The following PPFIA1 variants were observed in gnomAD, a reference collection of about 807,000 sequenced individuals.
The protein encoded by PPFIA1 is PPFI scaffold protein A1.
PPFIA1 carries 25 observed loss-of-function variants against 149.9 expected under a neutral mutation model. The ratio of observed to expected loss-of-function variants is 0.17; its 90% confidence interval spans 0.12 to 0.23. The LOEUF is 0.23. PPFIA1 is among the 10% of genes least tolerant of loss of function. The pLI, the probability that PPFIA1 is intolerant of heterozygous loss-of-function variation, is 1.00. For synonymous variants in PPFIA1, 549 were observed against 552.8 expected, an observed-to-expected ratio of 0.99 and a Z score of 0.10; for missense variants, 1,362 against 1,506.5, an observed-to-expected ratio of 0.90 and a Z score of 1.59.
chr11:70,325,461 T>C (rs1836587792), intron 4 of PPFIA1, 39 bp from the exon 5 acceptor site: 1 of 1,344,276 alleles, frequency 7.4e-7, no homozygotes, highest in Non-Finnish European at 1.1e-6. Context: ...ATAAACAGTA[T>C]ACACACACAC....
At chr11:70,305,410 C>G (rs1306519194) in intron 2 of PPFIA1, among the ~76,000 whole-genome samples, 1 of 152,132 alleles carries the variant, frequency 6.6e-6, no homozygotes, top group African/African-American at 2.4e-5. Context: ...AGGTCTCACT[C>G]TGGCCAAGCT....
intron 2 of PPFIA1, among the ~76,000 whole-genome samples, chr11:70,272,922 G>A (rs144097860): frequency 6.6e-5 from 10 of 152,300 alleles, no homozygotes; most frequent in Middle Eastern, 3.4e-3. Flanking sequence ...AGTCACATTT[G>A]TTTTAGGGGA....
intron 2 of PPFIA1, among the ~76,000 whole-genome samples, chr11:70,304,824 G>A (rs1030355455): frequency 2.0e-5 from 3 of 152,210 alleles, no homozygotes; most frequent in Non-Finnish European, 2.9e-5. Flanking sequence ...GTGGTGGTGT[G>A]TGTGGAAGTA....
rs1413440442 is a variant in PPFIA1 at position 70,324,890 on chromosome 11, G to A, written c.410G>A (p.Arg137Gln). The A allele has an allele frequency of 6.2e-7, 1 of 1,611,134 alleles. No individual in the cohort carries two copies. Among genetic ancestry groups the A allele is most frequent in the East Asian group, 2.2e-5 (1 of 44,844 alleles). ...HLECLVSRHERSLRMTVVKRQ... is the reference protein window; with the variant it reads ...HLECLVSRHEQSLRMTVVKRQ... ...GAATGCCTTGTCTCCAGGCATGAGCGGTCTCTTAGGATGACCGTGGTGAAG... is the reference window on the plus strand; with the variant it reads ...GAATGCCTTGTCTCCAGGCATGAGCAGTCTCTTAGGATGACCGTGGTGAAG... Residue 137 changes from arginine (R) to glutamine (Q), a missense_variant, in exon 4 of 28, where the codon CGG becomes CAG. Coordinates refer to ENST00000253925, the MANE Select transcript of PPFIA1 (RefSeq NM_003626.5).
At chr11:70,320,524 A>G (rs2053875480) in intron 2 of PPFIA1, among the ~76,000 whole-genome samples, 1 of 149,510 alleles carries the variant, frequency 6.7e-6, no homozygotes, top group South Asian at 2.1e-4. Context: ...GGGCTCAAGC[A>G]GTCCTCCTGT....
intron 10 of PPFIA1, among the ~76,000 whole-genome samples, chr11:70,334,791 C>G (rs780162562): frequency 6.6e-6 from 1 of 152,118 alleles, no homozygotes; most frequent in African/African-American, 2.4e-5. Context: ...CTCGGGTGCA[C>G]GTCGTAACCC....
At chr11:70,309,665 G>A (rs1333134419) in intron 2 of PPFIA1, among the ~76,000 whole-genome samples, 2 of 151,790 alleles carry the variant, frequency 1.3e-5, no homozygotes, top group African/African-American at 4.8e-5. Flanking sequence ...AAAATAAAAA[G>A]GAATAAAAAG....
chr11:70,286,961 A>G (rs2051183769), intron 2 of PPFIA1, among the ~76,000 whole-genome samples: 1 of 146,274 alleles, frequency 6.8e-6, no homozygotes, highest in Non-Finnish European at 1.5e-5. Context: ...TACTATATAT[A>G]TACATATACA....
intron 2 of PPFIA1, among the ~76,000 whole-genome samples, chr11:70,293,942 C>CT (rs35307008): frequency 0.41 from 52,099 of 128,076 alleles, 11,812 homozygotes; most frequent in African/African-American, 0.6. Flanking sequence ...CTCTCTCTCT[C>CT]TTTTTTTTTT....
At chr11:70,354,743 T>C (rs1218223622) in intron 17 of PPFIA1, among the ~76,000 whole-genome samples, 1 of 151,912 alleles carries the variant, frequency 6.6e-6, no homozygotes, top group African/African-American at 2.4e-5. Context: ...ATAAATTGAC[T>C]ACTTTCTATT....
intron 2 of PPFIA1, chr11:70,278,971 C>A: frequency 1.6e-6 from 1 of 608,940 alleles, no homozygotes; most frequent in Non-Finnish European, 3.2e-6. Flanking sequence ...TGTGGAATGA[C>A]ACCTTTACCA....
rs745924946 is a variant in PPFIA1 at position 70,372,583 on chromosome 11, A to G, written c.3139+9A>G. 7 of 1,591,432 alleles carry G rather than the reference A, an allele frequency of 4.4e-6. No individual in the cohort carries two copies. Among genetic ancestry groups the G allele is most frequent in the Non-Finnish European group, 6.0e-6 (7 of 1,162,062 alleles). On this transcript the variant is annotated intron_variant, in intron 23 of 27. Coordinates refer to ENST00000253925, the MANE Select transcript of PPFIA1 (RefSeq NM_003626.5). ...TCAGAGTGAAATAAAAGGTTAGTAC[A>G]TGACATTTAATTGATTCGGTTTACT...
At chr11:70,309,796 G>C (rs2053136764) in intron 2 of PPFIA1, among the ~76,000 whole-genome samples, 1 of 152,176 alleles carries the variant, frequency 6.6e-6, no homozygotes, top group Non-Finnish European at 1.5e-5. Flanking sequence ...GTCCGAAACA[G>C]GCAGATACAC....
In PPFIA1 at chr11:70,378,059, T is replaced by C; in HGVS notation, c.3414T>C (p.Pro1138=). 1 of 1,613,824 alleles carries C rather than the reference T, an allele frequency of 6.2e-7. No homozygotes were observed. ...EDDDKSFRRA[P]SWRKKFRPKD... ...ATGATAAAAGCTTTAGGAGAGCACC[T>C]TCATGGAGAAAAAAGTTTAGACCAA... Residue 1138 remains proline (P), a synonymous_variant, in exon 26 of 28, where the codon CCT becomes CCC. Coordinates refer to ENST00000253925, the MANE Select transcript of PPFIA1 (RefSeq NM_003626.5).
chr11:70,285,156 G>A (rs1314958649), intron 2 of PPFIA1, among the ~76,000 whole-genome samples: 2 of 151,880 alleles, frequency 1.3e-5, no homozygotes, highest in Admixed American at 6.6e-5. Flanking sequence ...ACAGGCGCCC[G>A]CCACCGTGCC....
chr11:70,372,773 C>G (rs2057326513), intron 23 of PPFIA1, among the ~76,000 whole-genome samples, 199 bp downstream of exon 23: 1 of 152,170 alleles, frequency 6.6e-6, no homozygotes, highest in Non-Finnish European at 1.5e-5. Context: ...GAGAACTGTT[C>G]CCTGTGTTCT....
At position 70,378,091 on chromosome 11, in the gene PPFIA1, T is replaced by C; in HGVS notation, c.3446T>C (p.Ile1149Thr). 6.2e-7 allele frequency: 1 copy of C among 1,614,180 alleles called. No homozygotes were observed. Among genetic ancestry groups the C allele is most frequent in the South Asian group, 1.1e-5 (1 of 91,086 alleles). The change falls in exon 26 of 28, where the codon ATT (isoleucine) becomes ACT (threonine). Residue 1149 changes from isoleucine (I) to threonine (T), a missense_variant. Physicochemically the swap from Ile to Thr is moderately conservative, Grantham distance 89 (BLOSUM62 -1). Coordinates refer to ENST00000253925, the MANE Select transcript of PPFIA1 (RefSeq NM_003626.5). ...AGAAAAAAGTTTAGACCAAAGGACA[T>C]TCGTGGCTTAGCTGCTGGGTCAGCA... ...SWRKKFRPKD[I>T]RGLAAGSAET...
chr11:70,291,263 A>G (rs146545961), intron 2 of PPFIA1, among the ~76,000 whole-genome samples: 1 of 152,252 alleles, frequency 6.6e-6, no homozygotes, highest in Non-Finnish European at 1.5e-5. Flanking sequence ...TGGGGGAAAC[A>G]TGAATGACAG....
chr11:70,372,170 T>G (rs1477166399), intron 21 of PPFIA1, 45 bp from the exon 22 acceptor site: 6 of 1,538,486 alleles, frequency 3.9e-6, no homozygotes, highest in Non-Finnish European at 5.3e-6. Context: ...TAAACTACTT[T>G]TGAGACTTCC....
Sources: gnomAD v4.1 joint callset for allele counts (sites outside exome capture counted in the v4.1 genomes callset) on GRCh38, gnomAD v4.1.1 for gene constraint, MANE v1.5 for transcripts, NCBI Gene and HGNC (gene_info 2026-07-23, HGNC 2026-07-21) for gene names.